Variants in AKAP3 observed in about 807,000 individuals in gnomAD.
AKAP3 encodes A-kinase anchor protein 3.
In AKAP3, 27 loss-of-function variants were observed where a neutral mutation model predicts 57.2. That is an observed-to-expected ratio of 0.47 (90% CI 0.35 to 0.65). The LOEUF is 0.65. AKAP3 is among the 30% of genes least tolerant of loss of function. The pLI is 0.01. For synonymous variants in AKAP3, 334 were observed against 392.3 expected (o/e 0.85, Z 1.76); for missense variants, 959 against 1,040.0 (o/e 0.92, Z 1.07).
chr12:4,620,096 T>C (rs578209228), intron 5 of AKAP3, among the ~76,000 whole-genome samples: 4 of 152,276 alleles, frequency 2.6e-5, no homozygotes, highest in African/African-American at 9.6e-5. Context: ...TATTCAAAAA[T>C]ATTATAGAAT....
chr12:4,646,624 A>AT (rs1800832457), intron 1 of AKAP3, among the ~76,000 whole-genome samples: 2 of 152,008 alleles, frequency 1.3e-5, no homozygotes, highest in South Asian at 4.2e-4. Context: ...GTGAGCAGAG[A>AT]TAGCACCATT....
chr12:4,626,439 T>G, intron 5 of AKAP3, 57 bp downstream of exon 5: 11 of 1,548,130 alleles, frequency 7.1e-6, no homozygotes, highest in Non-Finnish European at 9.6e-6. Flanking sequence ...AACCAGAACT[T>G]AAAGCCCTAG....
chr12:4,638,291 G>A (rs1945591334), intron 3 of AKAP3, 95 bp from the exon 4 acceptor site: 2 of 842,628 alleles, frequency 2.4e-6, no homozygotes, highest in South Asian at 3.2e-5. Flanking sequence ...GCACGGGAAA[G>A]ATGAACAATG....
intron 4 of AKAP3, among the ~76,000 whole-genome samples, chr12:4,629,609 C>A (rs1168454221): frequency 6.6e-6 from 1 of 152,188 alleles, no homozygotes; most frequent in African/African-American, 2.4e-5. Flanking sequence ...CAAACCTGCA[C>A]ATGTACCCCT....
intron 4 of AKAP3, among the ~76,000 whole-genome samples, chr12:4,633,560 C>G (rs1039254544): frequency 6.6e-6 from 1 of 151,960 alleles, no homozygotes; most frequent in Non-Finnish European, 1.5e-5. Context: ...TCTCTTCAAA[C>G]CCCCTTGCCC....
chr12:4,644,468 G>A (rs1945674913), intron 2 of AKAP3, among the ~76,000 whole-genome samples: 1 of 152,194 alleles, frequency 6.6e-6, no homozygotes, highest in South Asian at 2.1e-4. Flanking sequence ...CAGGAAGTAA[G>A]GCCCCTCATG....
intron 4 of AKAP3, among the ~76,000 whole-genome samples, chr12:4,629,765 A>G (rs1945474790): frequency 6.6e-6 from 1 of 152,162 alleles, no homozygotes; most frequent in South Asian, 2.1e-4. Flanking sequence ...ATCTTATTAC[A>G]AGTATAGTTT....
rs767204586 is a variant in AKAP3, at chr12:4,615,730, G to T, written c.*9C>A. ...CTGCCAGAAGAGGGGAAAGCAGTGG[G>T]GTTGCCGATTACAGGTTCACCATCA... On this transcript the variant is annotated 3_prime_UTR_variant, in exon 6 of 6. Transcript: ENST00000228850. The T allele has an allele frequency of 6.2e-7, 1 of 1,611,750 alleles. No individual in the cohort carries two copies. Among genetic ancestry groups the T allele is most frequent in the Non-Finnish European group, 8.5e-7 (1 of 1,178,292 alleles).
chr12:4,624,222 A>G (rs1175833863), intron 5 of AKAP3, among the ~76,000 whole-genome samples: 1 of 152,144 alleles, frequency 6.6e-6, no homozygotes, highest in African/African-American at 2.4e-5. Flanking sequence ...GGCTTCATAT[A>G]TTATAAAATA....
rs376101408 is a variant in AKAP3, at chr12:4,626,734, G to A, written c.2168C>T (p.Thr723Ile). ...SLYECLPAKG[T>I]GSAEAVLQNA... is the part of the protein sequence containing the mutation. ...CTGCAGGACAGCTTCTGCTGACCCT[G>A]TGCCCTTGGCTGGTAAGCACTCATA... The change falls in exon 5 of 6, where the codon ACA becomes ATA. Residue 723 changes from threonine (T) to isoleucine (I), a missense_variant. By Grantham distance (89) the Thr-to-Ile change is moderately conservative (BLOSUM62 -1). Coordinates refer to ENST00000228850, the MANE Select transcript of AKAP3 (RefSeq NM_001278309.2). 9 of 1,614,106 alleles carry A rather than the reference G, an allele frequency of 5.6e-6. No individual in the cohort carries two copies. The highest frequency in any genetic ancestry group is 7.6e-6 in the Non-Finnish European group (9 of 1,180,024).
chr12:4,621,768 T>C (rs897746134), intron 5 of AKAP3, among the ~76,000 whole-genome samples: 8 of 152,036 alleles, frequency 5.3e-5, no homozygotes, highest in South Asian at 2.1e-4. Context: ...GAAAAAAACA[T>C]GGGAAAGTTT....
intron 3 of AKAP3, 130 bp from the exon 4 acceptor site, chr12:4,638,326 A>G: frequency 1.5e-6 from 1 of 672,830 alleles, no homozygotes; most frequent in South Asian, 1.8e-5. Flanking sequence ...CTTCCCCAAC[A>G]GCCACTTCAG....
Position 4,627,817 on chromosome 12 carries a change from A to G in AKAP3, c.1085T>C (p.Val362Ala), listed in dbSNP as rs553028714. ...GGCCTTTTGGCTTCCATGAGAGAAG[A>G]CAGTTCTTTTCACAGCCGAGACAAA... The part of the protein sequence containing the change: ...TQFVSAVKRT[V>A]FSHGSQKATD... Residue 362 changes from valine (V) to alanine (A), a missense_variant, in exon 5 of 6, where the codon GTC becomes GCC. Val to Ala is a moderately conservative substitution (Grantham distance 64). Transcript: ENST00000228850. 3.1e-6 allele frequency: 5 copies of G among 1,614,118 alleles called. No homozygotes were observed. In the African/African-American group the frequency reaches 4.0e-5, roughly 13 times the overall value.
At chr12:4,623,058 C>G (rs1204396951) in intron 5 of AKAP3, among the ~76,000 whole-genome samples, 1 of 152,040 alleles carries the variant, frequency 6.6e-6, no homozygotes. Context: ...AAACGCAAAT[C>G]CAAACCATAA....
intron 5 of AKAP3, among the ~76,000 whole-genome samples, chr12:4,616,175 A>G (rs1040013610): frequency 1.3e-5 from 2 of 152,246 alleles, no homozygotes; most frequent in East Asian, 3.8e-4. Context: ...TCCTAAGACC[A>G]ACAGGGCAGG....
At chr12:4,640,643 C>T (rs1490452650) in intron 3 of AKAP3, among the ~76,000 whole-genome samples, 53 of 152,138 alleles carry the variant, frequency 3.5e-4, no homozygotes, top group Non-Finnish European at 2.9e-5. Context: ...GCTACTTATT[C>T]TTTGCTCCTA....
At chr12:4,634,530 C>T (rs540035525) in intron 4 of AKAP3, among the ~76,000 whole-genome samples, 8 of 152,194 alleles carry the variant, frequency 5.3e-5, no homozygotes, top group Non-Finnish European at 7.4e-5. Flanking sequence ...GTGTCACAAG[C>T]GAACAAAAGT....
At chr12:4,648,069 C>G (rs1241640892) in intron 1 of AKAP3, 1 of 152,242 alleles carries the variant, frequency 6.6e-6, no homozygotes, top group African/African-American at 2.4e-5. Context: ...CACAGGATCA[C>G]TGGTTGCCAT....
intron 4 of AKAP3, chr12:4,631,256 T>A (rs1945494131): frequency 1.5e-6 from 1 of 687,738 alleles, no homozygotes; most frequent in East Asian, 2.7e-5. Flanking sequence ...TTTATAGAGT[T>A]ATATTCTCTG....
Sources: gnomAD v4.1 joint callset for allele counts (sites outside exome capture counted in the v4.1 genomes callset) on GRCh38, gnomAD v4.1.1 for gene constraint, MANE v1.5 for transcripts, NCBI Gene and HGNC (gene_info 2026-07-23, HGNC 2026-07-21) for gene names.